Variants in LRRTM4 observed in about 807,000 individuals in gnomAD.
LRRTM4 encodes leucine rich repeat transmembrane neuronal 4, also known as leucine-rich repeat transmembrane neuronal protein 4.
LRRTM4 carries 25 observed loss-of-function variants against 47.6 expected under a neutral mutation model. The observed-to-expected ratio is 0.53, with a 90% CI of 0.38 to 0.73. The LOEUF (loss-of-function observed/expected upper bound fraction) is 0.73, where lower values mean the gene tolerates loss of function less well. Ranked by LOEUF, LRRTM4 falls within the 30% of genes least tolerant of loss-of-function variation. The probability of loss-of-function intolerance (pLI) is 0.00; values close to 1 mark genes in which losing one functional copy is unlikely to be tolerated. For synonymous variants in LRRTM4, 311 were observed against 269.5 expected, an observed-to-expected ratio of 1.15 and a Z score of -1.51; for missense variants, 638 against 713.4, an observed-to-expected ratio of 0.89 and a Z score of 1.20.
At chr2:77,072,881 T>A (rs755724378) in intron 3 of LRRTM4, among the ~76,000 whole-genome samples, 1 of 151,674 alleles carries the variant, frequency 6.6e-6, no homozygotes, top group African/African-American at 2.4e-5. Context: ...TTCGGCTACT[T>A]GCGTCTGTCA....
intron 3 of LRRTM4, among the ~76,000 whole-genome samples, chr2:77,036,277 T>C (rs1033274718): frequency 6.6e-6 from 1 of 151,806 alleles, no homozygotes; most frequent in Admixed American, 6.6e-5. Context: ...TAATTGGATA[T>C]AGCATTTCTG....
rs1346446735 is a variant in LRRTM4, at chr2:77,438,799, T to G, written c.1551+79519A>C. On this transcript the variant is annotated intron_variant, in intron 3 of 3. Coordinates refer to ENST00000409884, the MANE Select transcript of LRRTM4 (RefSeq NM_001134745.3). ...GTATATGCAAATACATATCCAACTG[T>G]GAACCCATTACATAAAAAACACTGC... is the stretch of plus-strand genomic sequence containing the variant. Among the ~76,000 whole-genome samples, 3 of 152,200 alleles carry G rather than the reference T, an allele frequency of 2.0e-5. No homozygotes were observed. The East Asian group carries it at 5.8e-4, about 29-fold the overall frequency.
chr2:77,186,047 C>T (rs867396862), intron 3 of LRRTM4, among the ~76,000 whole-genome samples: 1 of 152,122 alleles, frequency 6.6e-6, no homozygotes, highest in African/African-American at 2.4e-5. Flanking sequence ...TTTAACATAA[C>T]AAAGCTACAG....
At chr2:76,794,717 GGCTAATTCTTT>G (rs1194904544) in intron 3 of LRRTM4, among the ~76,000 whole-genome samples, 1 of 152,018 alleles carries the variant, frequency 6.6e-6, no homozygotes, top group East Asian at 1.9e-4. Flanking sequence ...ATTTTTCACT[GGCTAATTCTTT>G]GCTATGGTGT....
At chr2:77,212,237 T>A (rs963975640) in intron 3 of LRRTM4, among the ~76,000 whole-genome samples, 1 of 150,996 alleles carries the variant, frequency 6.6e-6, no homozygotes, top group Non-Finnish European at 1.5e-5. Context: ...ATGTTATTAA[T>A]GAAATAACAT....
intron 3 of LRRTM4, among the ~76,000 whole-genome samples, chr2:77,082,955 T>TA (rs1442478861): frequency 6.6e-6 from 1 of 152,146 alleles, no homozygotes; most frequent in Non-Finnish European, 1.5e-5. Flanking sequence ...TGCCCTTAGA[T>TA]ATCTCCCTAA....
At chr2:77,183,544 A>C (rs1673410805) in intron 3 of LRRTM4, among the ~76,000 whole-genome samples, 3 of 152,136 alleles carry the variant, frequency 2.0e-5, no homozygotes, top group Admixed American at 6.6e-5. Context: ...GGATCTAGAA[A>C]TAGAATTACC....
chr2:77,354,270 TAGAGG>T (rs1189899566), intron 3 of LRRTM4, among the ~76,000 whole-genome samples: 1 of 151,992 alleles, frequency 6.6e-6, no homozygotes, highest in Non-Finnish European at 1.5e-5. Context: ...AAGCCGTGAG[TAGAGG>T]AGAGAAATAA....
At chr2:77,471,411 C>T (rs79189404) in intron 3 of LRRTM4, among the ~76,000 whole-genome samples, 4,764 of 152,194 alleles carry the variant, frequency 0.031, 268 homozygotes, top group African/African-American at 0.11. Context: ...TAAATGTACA[C>T]CTTAATCCTT....
At chr2:77,149,091 T>C (rs925269469) in intron 3 of LRRTM4, among the ~76,000 whole-genome samples, 24 of 152,172 alleles carry the variant, frequency 1.6e-4, no homozygotes, top group Non-Finnish European at 2.5e-4. Flanking sequence ...CCTGTATTAG[T>C]AAGTACTGTG....
intron 3 of LRRTM4, among the ~76,000 whole-genome samples, chr2:76,821,650 C>G (rs17405004): frequency 0.12 from 18,536 of 151,726 alleles, 1,462 homozygotes; most frequent in Admixed American, 0.21. Flanking sequence ...GGAGCATTTC[C>G]TTTGACTTCT....
intron 3 of LRRTM4, among the ~76,000 whole-genome samples, chr2:76,778,497 A>G (rs1347576659): frequency 2.0e-5 from 3 of 149,096 alleles, no homozygotes; most frequent in Non-Finnish European, 4.4e-5. Flanking sequence ...GGGAGAGTGT[A>G]TGTGTCGAGG....
chr2:76,763,643 C>T (rs535150045), intron 3 of LRRTM4, among the ~76,000 whole-genome samples: 2 of 152,152 alleles, frequency 1.3e-5, no homozygotes, highest in Non-Finnish European at 1.5e-5. Flanking sequence ...AAGTGGAGTG[C>T]TGCTCCAAGA....
intron 3 of LRRTM4, among the ~76,000 whole-genome samples, chr2:77,250,387 G>A (rs1675570329): frequency 6.6e-6 from 1 of 152,098 alleles, no homozygotes; most frequent in African/African-American, 2.4e-5. Context: ...GTTGAAAAAA[G>A]GGGAACATAT....
intron 3 of LRRTM4, among the ~76,000 whole-genome samples, chr2:76,930,471 A>C (rs1171757232): frequency 6.6e-6 from 1 of 152,180 alleles, no homozygotes; most frequent in Non-Finnish European, 1.5e-5. Flanking sequence ...TGATGTAAGT[A>C]CAATCCAACC....
intron 3 of LRRTM4, among the ~76,000 whole-genome samples, chr2:77,208,230 T>G (rs1674196270): frequency 6.6e-6 from 1 of 151,950 alleles, no homozygotes; most frequent in African/African-American, 2.4e-5. Context: ...GACAAACAAT[T>G]GAATCAACAA....
chr2:77,481,665 T>G (rs1242092609), intron 3 of LRRTM4, among the ~76,000 whole-genome samples: 1 of 152,198 alleles, frequency 6.6e-6, no homozygotes, highest in East Asian at 1.9e-4. Context: ...TCTATGTTCT[T>G]TGCTTCTTAA....
chr2:76,904,269 G>T (rs936268408), intron 3 of LRRTM4, among the ~76,000 whole-genome samples: 7 of 152,174 alleles, frequency 4.6e-5, no homozygotes, highest in African/African-American at 1.7e-4. Flanking sequence ...AACAACAGCT[G>T]ATTGTTTGAG....
chr2:76,773,920 C>T (rs6714918), intron 3 of LRRTM4, among the ~76,000 whole-genome samples: 1,854 of 150,880 alleles, frequency 0.012, 45 homozygotes, highest in African/African-American at 0.042. Flanking sequence ...TCTTAAATTC[C>T]GTTAATGATA....
Sources: allele counts gnomAD v4.1 joint callset (sites outside exome capture counted in the v4.1 genomes callset), GRCh38; gene constraint gnomAD v4.1.1; transcripts MANE v1.5; gene names NCBI Gene and HGNC (gene_info 2026-07-23, HGNC 2026-07-21).